Variants in ITPR3 observed in about 807,000 individuals in gnomAD.
ITPR3 encodes the protein inositol 1,4,5-trisphosphate receptor type 3.
In ITPR3, 173 loss-of-function variants were observed where a neutral mutation model predicts 293.2. The observed-to-expected ratio is 0.59, with a 90% CI of 0.52 to 0.67. The LOEUF (loss-of-function observed/expected upper bound fraction) is 0.67, where lower values mean the gene tolerates loss of function less well. ITPR3 is among the 30% of genes least tolerant of loss of function. The pLI is 0.00. For synonymous variants in ITPR3, 1,295 were observed against 1,444.4 expected (o/e 0.90, Z 2.35); for missense variants, 2,796 against 3,592.1 (o/e 0.78, Z 5.66).
rs1405675325 is a variant in ITPR3, at chr6:33,683,071, G to A, written c.4598-136G>A. The stretch of plus-strand genomic sequence containing the variant: ...TCTCAGTCCCTCAAGCATAGGCCGG[G>A]GTGGGGGGGGTCTCTGTCTCCCAGA... On this transcript the variant is annotated intron_variant, in intron 34 of 57. Transcript: ENST00000605930. The surrounding 1 kb of genome is among the most constrained non-coding windows in gnomAD (Gnocchi z 4.5). 1 of 541,266 alleles carries A rather than the reference G, an allele frequency of 1.8e-6. No individual in the cohort carries two copies. Among genetic ancestry groups the A allele is most frequent in the Admixed American group, 5.7e-5 (1 of 17,618 alleles). The allele number at this position is 541,266 out of a possible 1,614,324, so 33.5% of individuals were successfully genotyped here. A position where few individuals can be genotyped will look rare whatever the true frequency, so the allele number is the denominator to read the frequency against.
chr6:33,695,691 T>C (rs951523655), intron 57 of ITPR3, 21 bp from the exon 58 acceptor site: 1 of 1,613,410 alleles, frequency 6.2e-7, no homozygotes, highest in Non-Finnish European at 8.5e-7. Context: ...ACCAGGCCTG[T>C]TGGCATCTGC....
At chr6:33,643,448 C>G (rs971848378) in intron 2 of ITPR3, among the ~76,000 whole-genome samples, 1 of 152,220 alleles carries the variant, frequency 6.6e-6, no homozygotes, top group Non-Finnish European at 1.5e-5. Flanking sequence ...GAATTATTTC[C>G]AGAGCTGGCA....
chr6:33,664,626 G>A lies in ITPR3; in HGVS notation c.1149-244G>A, dbSNP rs778569781. 3.4e-4 allele frequency among the ~76,000 whole-genome samples: 52 copies of A among 152,172 alleles called. No homozygotes were observed. The highest frequency in any genetic ancestry group is 6.9e-4 in the Non-Finnish European group (47 of 68,040). ...ACAAACAAGCTTTGGTTTTGGAAGC[G>A]TGGACAAGGCTGCCCGTGTCAGTGC... On this transcript the variant is annotated intron_variant, in intron 11 of 57. Transcript: ENST00000605930. The surrounding 1 kb of genome is among the most constrained non-coding windows in gnomAD (Gnocchi z 4.4).
Position 33,684,013 on chromosome 6 carries a change from AC to A in ITPR3, c.4789-3del. 1 of 1,593,196 alleles carries A rather than the reference AC, an allele frequency of 6.3e-7. No homozygotes were observed. ...GCCTGGCAATGACTCTGCCCTGCCC[AC>A]CCCAGGACATCATCACAGCCCTGGA... On this transcript the variant is annotated splice_region_variant and splice_polypyrimidine_tract_variant and intron_variant, in intron 35 of 57. Transcript: ENST00000605930. The surrounding 1 kb of genome is among the most constrained non-coding windows in gnomAD (Gnocchi z 4.2).
At chr6:33,677,408 G>A in intron 27 of ITPR3, 96 bp from the exon 28 acceptor site, 1 of 1,551,196 alleles carries the variant, frequency 6.4e-7, no homozygotes, top group South Asian at 1.2e-5. Context: ...CCCCCTTCCT[G>A]TCCCGGGTGC....
chr6:33,693,885 T>G (rs773204420), intron 56 of ITPR3, among the ~76,000 whole-genome samples, 180 bp downstream of exon 56: 11 of 152,136 alleles, frequency 7.2e-5, no homozygotes, highest in Non-Finnish European at 1.5e-4. Flanking sequence ...TGCAGACACT[T>G]GTTGAAAGGT....
In ITPR3 at chr6:33,689,350, C is replaced by T. The variant is rs908028721; in HGVS notation, c.6807C>T (p.Ile2269=). The change falls in exon 50 of 58, where the codon ATC becomes ATT. Residue 2269 remains isoleucine, a synonymous_variant. Transcript: ENST00000605930. ...TCCGCCCCCTCATCGTGGCGCTCAT[C>T]CTGCGCTCCATCTACTATCTGGGCA... ...YSIRPLIVAL[I]LRSIYYLGIG... 1.2e-6 allele frequency: 2 copies of T among 1,612,448 alleles called. No individual in the cohort carries two copies. The highest frequency in any genetic ancestry group is 1.3e-5 in the African/African-American group (1 of 74,948).
intron 31 of ITPR3, 68 bp from the exon 32 acceptor site, chr6:33,680,261 G>T: frequency 6.3e-7 from 1 of 1,583,272 alleles, no homozygotes. Context: ...GGGGACAGGA[G>T]CATTGTGGCA....
In ITPR3 at chr6:33,623,321, G is replaced by GTTTTTTTTTTTTTTT; in HGVS notation, c.89+1634_89+1635insTTTTTTTTTTTTTTT. Among the ~76,000 whole-genome samples, 2 of 118,266 alleles carry GTTTTTTTTTTTTTTT rather than the reference G, an allele frequency of 1.7e-5. 1 individual carries two copies. The allele number at this position is 118,266 out of a possible 152,430, so 77.6% of individuals were successfully genotyped here. Reference sequence around the variant, plus strand: ...CATGATGATTTTCAAGTGCCTGTGAGTTTTGTTTTTTTTTTTTTTTTTTAA... The same window carrying GTTTTTTTTTTTTTTT: ...CATGATGATTTTCAAGTGCCTGTGAGTTTTTTTTTTTTTTTTTTTGTTTTTTTTTTTTTTTTTTAA... On this transcript the variant is annotated intron_variant, in intron 1 of 57. Transcript: ENST00000605930.
chr6:33,674,103 C>A, intron 23 of ITPR3, 105 bp from the exon 24 acceptor site: 1 of 1,366,852 alleles, frequency 7.3e-7, no homozygotes, highest in East Asian at 2.4e-5. Flanking sequence ...AGAGCAGCTG[C>A]TGTGCAGCCA....
intron 16 of ITPR3, 87 bp from the exon 17 acceptor site, chr6:33,668,428 C>A: frequency 6.4e-7 from 1 of 1,567,746 alleles, no homozygotes; most frequent in Non-Finnish European, 8.7e-7. Flanking sequence ...GCGGTGCTGC[C>A]AGCTGGGGAA....
intron 2 of ITPR3, among the ~76,000 whole-genome samples, chr6:33,645,565 C>T (rs1021053445): frequency 3.3e-5 from 5 of 152,100 alleles, no homozygotes; most frequent in East Asian, 3.9e-4. Flanking sequence ...CTCGTGTGCT[C>T]GGGTTCCTCT....
intron 7 of ITPR3, among the ~76,000 whole-genome samples, chr6:33,661,439 C>T (rs986567908): frequency 1.3e-5 from 2 of 152,318 alleles, no homozygotes; most frequent in African/African-American, 2.4e-5. Flanking sequence ...AGGATACTTA[C>T]CTTCTCTATG....
In ITPR3 at chr6:33,693,615, G is replaced by T; in HGVS notation, c.7695G>T (p.Met2565Ile). The stretch of plus-strand genomic sequence containing the variant: ...AACACATCAAGCTGGAGCACAACAT[G>T]TGGAACTACTTGTACTTCATTGTGC... ...FEEHIKLEHNMWNYLYFIVLV... is the reference protein window; with the variant it reads ...FEEHIKLEHNIWNYLYFIVLV... The change falls in exon 56 of 58, where the codon ATG becomes ATT. Residue 2565 changes from methionine (M) to isoleucine (I), a missense_variant. Transcript: ENST00000605930. The T allele has an allele frequency of 6.2e-7, 1 of 1,614,214 alleles. No homozygotes were observed.
intron 56 of ITPR3, among the ~76,000 whole-genome samples, chr6:33,693,946 C>G (rs944518722): frequency 6.6e-6 from 1 of 152,206 alleles, no homozygotes. Flanking sequence ...GCACGGAAGC[C>G]GCTGCTGCAG....
intron 56 of ITPR3, 137 bp from the exon 57 acceptor site, chr6:33,694,787 A>AT (rs1765493514): frequency 8.9e-7 from 1 of 1,126,948 alleles, no homozygotes; most frequent in African/African-American, 1.6e-5. Context: ...GTCAATTCAG[A>AT]TTTTCCCATG....
In ITPR3 at chr6:33,670,460, C is replaced by T. The variant is rs767241074; in HGVS notation, c.2325C>T (p.Ala775=). 1 of 1,614,078 alleles carries T rather than the reference C, an allele frequency of 6.2e-7. No homozygotes were observed. The highest frequency in any genetic ancestry group is 1.1e-5 in the South Asian group (1 of 91,082). The part of the protein sequence containing the change: ...ADEMLPFDLR[A]SFCHLMLHVH... The stretch of plus-strand genomic sequence containing the variant: ...AGATGCTGCCCTTTGACCTGCGCGC[C>T]TCCTTCTGCCACCTGATGCTGCACG... The change falls in exon 19 of 58, where the codon GCC becomes GCT. Residue 775 remains alanine (A), a synonymous_variant. Coordinates refer to ENST00000605930, the MANE Select transcript of ITPR3 (RefSeq NM_002224.4). This position sits in a 1 kb window ranked among gnomAD's most constrained non-coding sequence, Gnocchi z 6.7.
intron 9 of ITPR3, among the ~76,000 whole-genome samples, chr6:33,663,288 T>C (rs1010495361): frequency 6.6e-6 from 1 of 152,200 alleles, no homozygotes; most frequent in African/African-American, 2.4e-5. Flanking sequence ...CTTGTGTGTG[T>C]TGGAGCATTG....
chr6:33,678,191 C>T (rs1286166239), intron 28 of ITPR3, among the ~76,000 whole-genome samples: 5 of 152,172 alleles, frequency 3.3e-5, no homozygotes, highest in Non-Finnish European at 5.9e-5. Context: ...CTCACCTTGA[C>T]GCTGACCGTG....
Sources: gnomAD v4.1 joint callset for allele counts (sites outside exome capture counted in the v4.1 genomes callset) on GRCh38, gnomAD v4.1.1 for gene constraint, Gnocchi (gnomAD v3.1) non-coding constraint, MANE v1.5 for transcripts, NCBI Gene and HGNC (gene_info 2026-07-23, HGNC 2026-07-21) for gene names.